Variants in CNBD1 observed in about 807,000 individuals in gnomAD.
CNBD1 encodes the protein cyclic nucleotide binding domain containing 1, also known as cyclic nucleotide-binding domain-containing protein 1.
In CNBD1, 71 loss-of-function variants were observed where a neutral mutation model predicts 54.4. The observed-to-expected ratio is 1.30, with a 90% CI of 1.08 to 1.59. The LOEUF is 1.59. CNBD1 is among the 40% of genes most tolerant of loss of function. The probability of loss-of-function intolerance (pLI) is 0.00; values close to 1 mark genes in which losing one functional copy is unlikely to be tolerated. For synonymous variants in CNBD1, 182 were observed against 170.7 expected, an observed-to-expected ratio of 1.07 and a Z score of -0.51; for missense variants, 659 against 518.0, an observed-to-expected ratio of 1.27 and a Z score of -2.64.
chr8:87,335,481 T>C (rs1040918213), intron 8 of CNBD1, among the ~76,000 whole-genome samples: 2 of 152,196 alleles, frequency 1.3e-5, no homozygotes, highest in African/African-American at 4.8e-5. Context: ...TATTTTTTGA[T>C]CTTTGTTGAT....
chr8:87,258,848 G>T (rs1417765091), intron 6 of CNBD1, among the ~76,000 whole-genome samples: 1 of 152,104 alleles, frequency 6.6e-6, no homozygotes, highest in African/African-American at 2.4e-5. Context: ...CCAATTTACT[G>T]AAAAACAAAT....
At chr8:87,098,459 G>A (rs1390965976) in intron 4 of CNBD1, among the ~76,000 whole-genome samples, 1 of 152,132 alleles carries the variant, frequency 6.6e-6, no homozygotes, top group Non-Finnish European at 1.5e-5. Context: ...GGTGTCCTGG[G>A]AGCAAGTGAA....
intron 4 of CNBD1, among the ~76,000 whole-genome samples, chr8:86,945,057 T>A (rs1394266690): frequency 6.6e-6 from 1 of 152,148 alleles, no homozygotes; most frequent in Non-Finnish European, 1.5e-5. Context: ...TGGTATTTGA[T>A]TGCAGTGCTT....
chr8:87,397,145 A>AT (rs1260495603), intron 2 of CNBD1, among the ~76,000 whole-genome samples: 3 of 151,380 alleles, frequency 2.0e-5, no homozygotes, highest in Non-Finnish European at 4.4e-5. Context: ...CTCTTGCCTT[A>AT]TTTTTTTATT....
rs527476199 is a variant in CNBD1 at position 87,308,254 on chromosome 8, G to A, written c.1042+21583G>A. Reference sequence around the variant, plus strand: ...GTAACAGACCTGCCCCTAGGAATTGGTAAAGTCCTTTTTGGAACCCTGGAC... The same window carrying A: ...GTAACAGACCTGCCCCTAGGAATTGATAAAGTCCTTTTTGGAACCCTGGAC... On this transcript the variant is annotated intron_variant, in intron 8 of 10. Transcript: ENST00000518476. Among the ~76,000 whole-genome samples the A allele has an allele frequency of 2.0e-5, 3 of 152,226 alleles. No individual in the cohort carries two copies. The South Asian group carries it at 6.2e-4, about 32-fold the overall frequency.
At position 86,957,160 on chromosome 8, in the gene CNBD1, G is replaced by A. The variant is rs191835000; in HGVS notation, c.431+17406G>A. On this transcript the variant is annotated intron_variant, in intron 4 of 10. Coordinates refer to ENST00000518476, the MANE Select transcript of CNBD1 (RefSeq NM_173538.3). ...GATTGCTGTATGTTGAACTAGCCTTGCATCCCAGGGATGAAGCCAACTTGA... is the reference window on the plus strand; with the variant it reads ...GATTGCTGTATGTTGAACTAGCCTTACATCCCAGGGATGAAGCCAACTTGA... Among the ~76,000 whole-genome samples the A allele has an allele frequency of 4.7e-4, 72 of 152,320 alleles. No homozygotes were observed. The South Asian group carries it at 6.2e-3, about 13-fold the overall frequency.
intron 2 of CNBD1, among the ~76,000 whole-genome samples, chr8:86,902,295 G>GT (rs1173646336): frequency 6.6e-6 from 1 of 152,006 alleles, no homozygotes; most frequent in Non-Finnish European, 1.5e-5. Context: ...CTTTTTGGGA[G>GT]TTGGGGGGGG....
At chr8:87,388,986 C>A (rs1359368385) in intron 2 of CNBD1, among the ~76,000 whole-genome samples, 1 of 152,104 alleles carries the variant, frequency 6.6e-6, no homozygotes, top group Non-Finnish European at 1.5e-5. Flanking sequence ...ATAAACAGAA[C>A]CAACGACAAA....
chr8:87,369,930 A>G (rs1031111759), intron 10 of CNBD1, among the ~76,000 whole-genome samples: 33 of 151,010 alleles, frequency 2.2e-4, no homozygotes, highest in African/African-American at 7.8e-4. Flanking sequence ...TCCTGTGTCC[A>G]TGTGTTCTCA....
intron 4 of CNBD1, among the ~76,000 whole-genome samples, chr8:86,990,279 C>A (rs545929894): frequency 6.6e-6 from 1 of 152,122 alleles, no homozygotes. Flanking sequence ...CCTAGACCAG[C>A]GTCCTAGATA....
At chr8:87,370,619 G>A (rs1810765072) in intron 10 of CNBD1, among the ~76,000 whole-genome samples, 1 of 151,736 alleles carries the variant, frequency 6.6e-6, no homozygotes, top group South Asian at 2.1e-4. Flanking sequence ...TGTAGATTCT[G>A]GATATTAGCC....
intron 4 of CNBD1, among the ~76,000 whole-genome samples, chr8:86,989,152 G>A (rs1366286728): frequency 6.6e-6 from 1 of 152,060 alleles, no homozygotes; most frequent in African/African-American, 2.4e-5. Flanking sequence ...TGTGCCTGTA[G>A]TGCCAACTAC....
intron 4 of CNBD1, among the ~76,000 whole-genome samples, chr8:87,022,486 G>C (rs1042920186): frequency 2.0e-5 from 3 of 151,776 alleles, no homozygotes; most frequent in Non-Finnish European, 2.9e-5. Context: ...TTGGTGAAAA[G>C]AGAAATAGGA....
At chr8:87,000,687 C>T (rs183547790) in intron 4 of CNBD1, among the ~76,000 whole-genome samples, 31 of 152,284 alleles carry the variant, frequency 2.0e-4, no homozygotes, top group African/African-American at 7.2e-4. Context: ...TGAATAGCAT[C>T]TTAGCTAGAT....
At chr8:87,061,064 A>G (rs763673044) in intron 4 of CNBD1, among the ~76,000 whole-genome samples, 5 of 152,208 alleles carry the variant, frequency 3.3e-5, no homozygotes, top group Non-Finnish European at 5.9e-5. Context: ...TTCTTTTAAT[A>G]TAAAATTCCT....
At chr8:87,359,728 C>A (rs549110893) in intron 10 of CNBD1, among the ~76,000 whole-genome samples, 80 of 152,068 alleles carry the variant, frequency 5.3e-4, no homozygotes, top group Non-Finnish European at 9.4e-4. Context: ...TTAAATATAT[C>A]AAGTTGAAGA....
chr8:87,202,936 C>T lies in CNBD1; in HGVS notation c.432-3057C>T, dbSNP rs1813895046. 2.6e-5 allele frequency among the ~76,000 whole-genome samples: 4 copies of T among 152,192 alleles called. No homozygotes were observed. In the South Asian group the frequency reaches 8.3e-4, roughly 32 times the overall value. Reference sequence around the variant, plus strand: ...GGGCAACTTTCCCCCATGAGGCCTGCCAGCTAAAGCCATTATAATTGCTTG... The same window carrying T: ...GGGCAACTTTCCCCCATGAGGCCTGTCAGCTAAAGCCATTATAATTGCTTG... On this transcript the variant is annotated intron_variant, in intron 4 of 10. Transcript: ENST00000518476.
At chr8:87,103,851 T>G (rs139382205) in intron 4 of CNBD1, among the ~76,000 whole-genome samples, 2 of 152,242 alleles carry the variant, frequency 1.3e-5, no homozygotes, top group African/African-American at 4.8e-5. Context: ...TACAAGAGTA[T>G]GATGACCCTG....
chr8:87,024,331 T>G (rs912794048), intron 4 of CNBD1, among the ~76,000 whole-genome samples: 1 of 151,580 alleles, frequency 6.6e-6, no homozygotes, highest in Non-Finnish European at 1.5e-5. Context: ...TTTTATTTAT[T>G]TTTATAATTT....
Sources: allele counts gnomAD v4.1 joint callset (sites outside exome capture counted in the v4.1 genomes callset), GRCh38; gene constraint gnomAD v4.1.1; transcripts MANE v1.5; gene names NCBI Gene and HGNC (gene_info 2026-07-23, HGNC 2026-07-21).